MAPKAPK2: variants seen among roughly 807,000 people sequenced by gnomAD.
MAPKAPK2 encodes the protein MAPK activated protein kinase 2.
A neutral mutation model predicts 48.8 loss-of-function variants in MAPKAPK2; 9 were observed. That is an observed-to-expected ratio of 0.18 (90% confidence interval 0.11 to 0.32). The LOEUF (loss-of-function observed/expected upper bound fraction) is 0.32, where lower values mean the gene tolerates loss of function less well. Among genes scored for constraint, MAPKAPK2 ranks in the 10% least tolerant of loss-of-function variants. The pLI is 1.00. For missense variants in MAPKAPK2, 331 were observed against 498.3 expected (o/e 0.66, Z 3.20); for synonymous variants, 202 against 190.6 (o/e 1.06, Z -0.49).
chr1:206,692,449 G>T (rs1242979452), intron 1 of MAPKAPK2, among the ~76,000 whole-genome samples: 3 of 152,214 alleles, frequency 2.0e-5, no homozygotes, highest in Non-Finnish European at 2.9e-5. Flanking sequence ...TCCTCTTCCT[G>T]CCCATGCAAG....
chr1:206,731,741 TG>T lies in MAPKAPK2; in HGVS notation c.978+20del, dbSNP rs1558590049. On this transcript the variant is annotated intron_variant, in intron 8 of 9. Coordinates refer to ENST00000367103, the MANE Select transcript of MAPKAPK2 (RefSeq NM_032960.4). This position sits in a 1 kb window ranked among gnomAD's most constrained non-coding sequence, Gnocchi z 5.9. ...TTGGATCATGGTAAGCTCGGCAGGC[TG>T]GGGAGCCTTGGGTCTCACGGGACTA... is the stretch of plus-strand genomic sequence containing the variant. The T allele has an allele frequency of 6.2e-7, 1 of 1,613,384 alleles. No homozygotes were observed. The highest frequency in any genetic ancestry group is 8.5e-7 in the Non-Finnish European group (1 of 1,179,382).
At chr1:206,701,151 T>G (rs1672781515) in intron 1 of MAPKAPK2, among the ~76,000 whole-genome samples, 1 of 152,114 alleles carries the variant, frequency 6.6e-6, no homozygotes, top group South Asian at 2.1e-4. Context: ...GGGCCAGAAT[T>G]TACTTGTTTG....
intron 1 of MAPKAPK2, among the ~76,000 whole-genome samples, chr1:206,692,331 C>T (rs1553426418): frequency 6.6e-6 from 1 of 152,208 alleles, no homozygotes; most frequent in African/African-American, 2.4e-5. Flanking sequence ...TTAGGATTTA[C>T]ATTCAGGTGA....
rs1672258916 is a variant in MAPKAPK2, at chr1:206,685,519, G to A, written c.279+11G>A. On this transcript the variant is annotated intron_variant, in intron 1 of 9. Coordinates refer to ENST00000367103, the MANE Select transcript of MAPKAPK2 (RefSeq NM_032960.4). ...AAATTCGCCCTCAAAGTAGGTCTGG[G>A]GCCCGGGGAGGGGAGGCGGGGCCGG... The A allele has an allele frequency of 6.7e-7, 1 of 1,501,090 alleles. No individual in the cohort carries two copies. Among genetic ancestry groups the A allele is most frequent in the Non-Finnish European group, 8.9e-7 (1 of 1,118,850 alleles). 93.0% of individuals were successfully genotyped at this position (1,501,090 alleles called of 1,614,324 possible).
rs374235104 is a variant in MAPKAPK2 at position 206,731,589 on chromosome 1, G to T, written c.893-51G>T. The T allele has an allele frequency of 1.9e-5, 28 of 1,464,760 alleles. No homozygotes were observed. Among genetic ancestry groups the T allele is most frequent in the Admixed American group, 1.0e-4 (6 of 59,816 alleles). 90.7% of individuals were successfully genotyped at this position (1,464,760 alleles called of 1,614,324 possible). On this transcript the variant is annotated intron_variant, in intron 7 of 9. Transcript: ENST00000367103. The surrounding 1 kb of genome is among the most constrained non-coding windows in gnomAD (Gnocchi z 5.9). ...CCATGAAAACTGGGGAAAGGAGCAG[G>T]CCAGGGAGAGTGACCCCTGAGCTGT...
chr1:206,719,465 T>C (rs1673445088), intron 1 of MAPKAPK2, among the ~76,000 whole-genome samples: 1 of 152,228 alleles, frequency 6.6e-6, no homozygotes, highest in South Asian at 2.1e-4. Context: ...AGAGACTTGC[T>C]TTTGCCTCCC....
intron 1 of MAPKAPK2, among the ~76,000 whole-genome samples, chr1:206,712,858 C>CG (rs1255208252): frequency 2.0e-5 from 3 of 151,738 alleles, no homozygotes; most frequent in African/African-American, 7.3e-5. Context: ...CCCAGCTACT[C>CG]AGGAGGCTGA....
At chr1:206,709,232 T>C (rs1673061595) in intron 1 of MAPKAPK2, among the ~76,000 whole-genome samples, 1 of 152,200 alleles carries the variant, frequency 6.6e-6, no homozygotes, top group Non-Finnish European at 1.5e-5. Flanking sequence ...AGTCCCTCAG[T>C]TGCTCCTTCA....
intron 6 of MAPKAPK2, among the ~76,000 whole-genome samples, 181 bp downstream of exon 6, chr1:206,730,944 TG>T (rs1673881779): frequency 6.6e-6 from 1 of 152,148 alleles, no homozygotes; most frequent in Admixed American, 6.5e-5. Flanking sequence ...GGCTGGAAAG[TG>T]TGCGCCTTAG....
intron 1 of MAPKAPK2, among the ~76,000 whole-genome samples, chr1:206,692,969 T>C (rs1672503729): frequency 6.6e-6 from 1 of 152,210 alleles, no homozygotes; most frequent in Non-Finnish European, 1.5e-5. Flanking sequence ...GAAGATTCTT[T>C]TGAACCAGAA....
intron 1 of MAPKAPK2, among the ~76,000 whole-genome samples, chr1:206,702,146 A>G (rs1553428004): frequency 6.6e-6 from 1 of 152,214 alleles, no homozygotes. Flanking sequence ...TTTTCAAGAA[A>G]ACCTTACCAT....
intron 1 of MAPKAPK2, among the ~76,000 whole-genome samples, chr1:206,700,812 G>C (rs17350845): frequency 0.2 from 30,041 of 152,124 alleles, 3,132 homozygotes; most frequent in Middle Eastern, 0.31. Flanking sequence ...TGAGACTCCA[G>C]CATTAGTCAA....
At chr1:206,717,958 GA>G (rs1160464323) in intron 1 of MAPKAPK2, among the ~76,000 whole-genome samples, 5 of 151,872 alleles carry the variant, frequency 3.3e-5, no homozygotes, top group Admixed American at 2.6e-4. Flanking sequence ...AATTCCTCCA[GA>G]AAAAAACTTA....
rs145730948 is a variant in MAPKAPK2, at chr1:206,728,799, G to A, written c.369G>A (p.Val123=). 1.0e-4 allele frequency: 166 copies of A among 1,614,214 alleles called. No homozygotes were observed. In the African/African-American group the frequency reaches 2.1e-3, roughly 20 times the overall value. Residue 123 remains valine, a synonymous_variant, in exon 2 of 10, where the codon GTG becomes GTA. Transcript: ENST00000367103. ...CGCACATCGTACGGATCGTGGATGTGTACGAGAATCTGTACGCAGGGAGGA... is the reference window on the plus strand; with the variant it reads ...CGCACATCGTACGGATCGTGGATGTATACGAGAATCTGTACGCAGGGAGGA... The part of the protein sequence containing the change: ...QCPHIVRIVD[V]YENLYAGRKC...
chr1:206,732,126 C>G lies in MAPKAPK2; in HGVS notation c.1059+207C>G. On this transcript the variant is annotated intron_variant, in intron 9 of 9. Transcript: ENST00000367103. This position sits in a 1 kb window ranked among gnomAD's most constrained non-coding sequence, Gnocchi z 4.4. ...TCTGTGTTCCTGTCCAAACTCAGTG[C>G]TGTTTCTTAGAATCCTTTTATTCCC... 1 of 1,614,142 alleles carries G rather than the reference C, an allele frequency of 6.2e-7. No individual in the cohort carries two copies. Among genetic ancestry groups the G allele is most frequent in the Non-Finnish European group, 8.5e-7 (1 of 1,179,988 alleles).
At chr1:206,716,947 T>C (rs1214981958) in intron 1 of MAPKAPK2, among the ~76,000 whole-genome samples, 1 of 152,206 alleles carries the variant, frequency 6.6e-6, no homozygotes, top group Non-Finnish European at 1.5e-5. Context: ...TGTATCTTGT[T>C]CTGGTGTACA....
In MAPKAPK2 at chr1:206,685,243, C is replaced by T. The variant is rs1245550536; in HGVS notation, c.14C>T (p.Ser5Phe). 11 of 590,896 alleles carry T rather than the reference C, an allele frequency of 1.9e-5. No individual in the cohort carries two copies. Among genetic ancestry groups the T allele is most frequent in the African/African-American group, 1.4e-4 (7 of 48,934 alleles). 36.6% of individuals were successfully genotyped at this position (590,896 alleles called of 1,614,324 possible). MLSN[S>F]QGQSPPVPFP... ...TCCCCGGGCACCATGCTGTCCAACT[C>T]CCAGGGCCAGAGCCCGCCGGTGCCG... is the stretch of plus-strand genomic sequence containing the variant. The change falls in exon 1 of 10, where the codon TCC becomes TTC. Residue 5 changes from serine (S) to phenylalanine (F), a missense_variant. By Grantham distance (155) the Ser-to-Phe change is radical. Transcript: ENST00000367103.
At chr1:206,728,622 T>G in intron 1 of MAPKAPK2, 88 bp from the exon 2 acceptor site, 2 of 1,477,460 alleles carry the variant, frequency 1.4e-6, no homozygotes, top group Non-Finnish European at 1.8e-6. Context: ...TTGTGGTATG[T>G]CGGTGGCGAT....
intron 5 of MAPKAPK2, 74 bp downstream of exon 5, chr1:206,730,172 G>A: frequency 6.3e-7 from 1 of 1,579,094 alleles, no homozygotes; most frequent in South Asian, 1.1e-5. Context: ...GGCTATCTGG[G>A]GGGCCGCAAA....
Sources: gnomAD v4.1 joint callset for allele counts (sites outside exome capture counted in the v4.1 genomes callset) on GRCh38, gnomAD v4.1.1 for gene constraint, Gnocchi (gnomAD v3.1) non-coding constraint, MANE v1.5 for transcripts, NCBI Gene and HGNC (gene_info 2026-07-23, HGNC 2026-07-21) for gene names.